Variants in KIF15 observed in about 807,000 individuals in gnomAD.
KIF15 encodes the protein kinesin family member 15, also known as kinesin-like protein KIF15.
Under a neutral mutation model 190.6 loss-of-function variants are expected in KIF15, and 140 were observed. That is an observed-to-expected ratio of 0.73 (90% CI 0.64 to 0.84). The LOEUF (loss-of-function observed/expected upper bound fraction) is 0.84, where lower values mean the gene tolerates loss of function less well. KIF15 is among the 40% of genes least tolerant of loss of function. The probability of loss-of-function intolerance (pLI) is 0.00; values close to 1 mark genes in which losing one functional copy is unlikely to be tolerated. For missense variants in KIF15, 1,372 were observed against 1,584.4 expected, an observed-to-expected ratio of 0.87 and a Z score of 2.28; for synonymous variants, 528 against 551.3, an observed-to-expected ratio of 0.96 and a Z score of 0.59.
rs375995591 is a variant in KIF15 at position 44,761,808 on chromosome 3, C to T, written c.-58C>T. 39 of 1,612,538 alleles carry T rather than the reference C, an allele frequency of 2.4e-5. No homozygotes were observed. In the African/African-American group the frequency reaches 4.8e-4, roughly 20 times the overall value. On this transcript the variant is annotated 5_prime_UTR_variant, in exon 1 of 35. Coordinates refer to ENST00000326047, the MANE Select transcript of KIF15 (RefSeq NM_020242.3). ...GGGCGGAATTCAGTCGCGCGCGGTGCAGTCGGGAGGTGGAGGCACCGGCTG... is the reference window on the plus strand; with the variant it reads ...GGGCGGAATTCAGTCGCGCGCGGTGTAGTCGGGAGGTGGAGGCACCGGCTG...
At chr3:44,781,916 A>G (rs1264509278) in intron 5 of KIF15, among the ~76,000 whole-genome samples, 1 of 152,120 alleles carries the variant, frequency 6.6e-6, no homozygotes, top group East Asian at 1.9e-4. Context: ...TAAAACAGAG[A>G]AGTTAGCCTT....
intron 1 of KIF15, among the ~76,000 whole-genome samples, chr3:44,772,341 G>T (rs977616379): frequency 3.3e-5 from 5 of 152,206 alleles, no homozygotes; most frequent in South Asian, 4.2e-4. Context: ...GAAAACAAAG[G>T]TCTCTCCCAA....
intron 6 of KIF15, among the ~76,000 whole-genome samples, chr3:44,861,224 C>T (rs771299649): frequency 2.6e-5 from 4 of 152,098 alleles, no homozygotes; most frequent in African/African-American, 9.7e-5. Context: ...CTCCCGACCT[C>T]AGGTGATCCA....
intron 32 of KIF15, among the ~76,000 whole-genome samples, chr3:44,850,142 A>G (rs1434615660): frequency 6.6e-6 from 1 of 152,236 alleles, no homozygotes; most frequent in Non-Finnish European, 1.5e-5. Context: ...GTCAAAAATT[A>G]CATGGTGATT....
At chr3:44,767,408 T>C (rs1575570082) in intron 1 of KIF15, among the ~76,000 whole-genome samples, 1 of 151,958 alleles carries the variant, frequency 6.6e-6, no homozygotes, top group Non-Finnish European at 1.5e-5. Context: ...ATACGAAGAG[T>C]GAGAAAGAAC....
chr3:44,810,498 A>T (rs1707736911), intron 16 of KIF15, among the ~76,000 whole-genome samples: 1 of 151,528 alleles, frequency 6.6e-6, no homozygotes, highest in African/African-American at 2.4e-5. Context: ...GCCTCAAGTG[A>T]TCCTCCCCTT....
At chr3:44,794,521 C>T (rs1202999752) in intron 8 of KIF15, 95 bp downstream of exon 8, 4 of 911,436 alleles carry the variant, frequency 4.4e-6, no homozygotes, top group Non-Finnish European at 6.6e-6. Flanking sequence ...CAATGAGGAA[C>T]TGCATTTATG....
chr3:44,821,201 G>A (rs1198612436), intron 20 of KIF15, among the ~76,000 whole-genome samples: 10 of 148,966 alleles, frequency 6.7e-5, no homozygotes, highest in South Asian at 2.1e-4. Flanking sequence ...CAGTAGGGGC[G>A]GCTGGGCAGA....
chr3:44,834,291 A>T (rs1698205238), intron 26 of KIF15, among the ~76,000 whole-genome samples: 1 of 152,212 alleles, frequency 6.6e-6, no homozygotes, highest in Non-Finnish European at 1.5e-5. Context: ...TACTTAGCCA[A>T]TGCAGTAAAA....
intron 26 of KIF15, among the ~76,000 whole-genome samples, chr3:44,832,124 G>C (rs1698101753): frequency 6.6e-6 from 1 of 152,054 alleles, no homozygotes; most frequent in Non-Finnish European, 1.5e-5. Flanking sequence ...TCTGCCAGGG[G>C]AAATTCTAAA....
intron 30 of KIF15, among the ~76,000 whole-genome samples, chr3:44,846,162 G>A (rs1397437966): frequency 6.6e-6 from 1 of 152,212 alleles, no homozygotes; most frequent in Non-Finnish European, 1.5e-5. Context: ...ACAAAGCTTA[G>A]CAGGAGAGGA....
At chr3:44,812,420 A>C (rs1559555745) in intron 18 of KIF15, 131 bp downstream of exon 18, 1 of 672,748 alleles carries the variant, frequency 1.5e-6, no homozygotes, top group Admixed American at 2.8e-5. Context: ...CACAGAAAGA[A>C]AATGTTGTCA....
intron 1 of KIF15, among the ~76,000 whole-genome samples, chr3:44,768,192 T>C: frequency 6.6e-6 from 1 of 151,192 alleles, no homozygotes; most frequent in East Asian, 2.0e-4. Context: ...GGGAATTGCT[T>C]GAATCTGGGA....
chr3:44,865,326 C>G (rs774815805), intron 6 of KIF15: 2 of 1,084,666 alleles, frequency 1.8e-6, no homozygotes, highest in Non-Finnish European at 2.7e-6. Flanking sequence ...GGAGCAGGCT[C>G]TGGCTCTGTA....
At chr3:44,813,950 T>C (rs962240597) in intron 19 of KIF15, among the ~76,000 whole-genome samples, 8 of 152,316 alleles carry the variant, frequency 5.3e-5, no homozygotes, top group South Asian at 4.1e-4. Context: ...GCTTTGAAAA[T>C]GAAGTGTCTT....
At chr3:44,790,665 G>T in intron 7 of KIF15, among the ~76,000 whole-genome samples, 1 of 145,046 alleles carries the variant, frequency 6.9e-6, no homozygotes, top group Non-Finnish European at 1.5e-5. Flanking sequence ...CATTTGCCTG[G>T]TATACGTTTT....
intron 16 of KIF15, among the ~76,000 whole-genome samples, chr3:44,806,471 G>T (rs920736397): frequency 7.9e-5 from 12 of 151,952 alleles, no homozygotes; most frequent in African/African-American, 2.7e-4. Flanking sequence ...AACATGAGAG[G>T]GTTTTGTCCT....
chr3:44,852,804 ACT>A lies in KIF15; in HGVS notation c.*71_*72del, dbSNP rs1699110371. Reference sequence around the variant, plus strand: ...TTCTTCTCTTTTACAAGTAAGACCTACTCCTGGCCACTTAGGAGAGCTGAATT... The same window carrying A: ...TTCTTCTCTTTTACAAGTAAGACCTACCTGGCCACTTAGGAGAGCTGAATT... On this transcript the variant is annotated 3_prime_UTR_variant, in exon 35 of 35. Transcript: ENST00000326047. The A allele has an allele frequency of 5.6e-6, 7 of 1,244,690 alleles. No homozygotes were observed. The highest frequency in any genetic ancestry group is 2.3e-5 in the Admixed American group (1 of 43,536). 77.1% of individuals were successfully genotyped at this position (1,244,690 alleles called of 1,614,324 possible).
intron 7 of KIF15, among the ~76,000 whole-genome samples, chr3:44,786,887 C>G (rs1706433557): frequency 6.6e-6 from 1 of 152,120 alleles, no homozygotes. Flanking sequence ...GAACTCTGGC[C>G]TTTAAACCAG....
Sources: allele counts gnomAD v4.1 joint callset (sites outside exome capture counted in the v4.1 genomes callset), GRCh38; gene constraint gnomAD v4.1.1; transcripts MANE v1.5; gene names NCBI Gene and HGNC (gene_info 2026-07-23, HGNC 2026-07-21).